Variants in TBC1D4 observed in about 807,000 individuals in gnomAD.
TBC1D4 encodes TBC (Tre-2, BUB2, CDC16) domain-containing protein.
In TBC1D4, 121 loss-of-function variants were observed where a neutral mutation model predicts 142.5. The ratio of observed to expected loss-of-function variants is 0.85; its 90% CI spans 0.73 to 0.99. TBC1D4 has a LOEUF of 0.99. TBC1D4 is among the 50% of genes least tolerant of loss of function. The probability of loss-of-function intolerance (pLI) is 0.00; values close to 1 mark genes in which losing one functional copy is unlikely to be tolerated. For missense variants in TBC1D4, 1,475 were observed against 1,606.6 expected (o/e 0.92, Z 1.40); for synonymous variants, 630 against 628.2 (o/e 1.00, Z -0.04).
At chr13:75,469,835 A>G (rs913843775) in intron 1 of TBC1D4, among the ~76,000 whole-genome samples, 4 of 152,176 alleles carry the variant, frequency 2.6e-5, no homozygotes, top group African/African-American at 9.7e-5. Context: ...CAATGATTGA[A>G]ATTGGTGAGT....
At chr13:75,480,732 TC>T in intron 1 of TBC1D4, among the ~76,000 whole-genome samples, 1 of 152,298 alleles carries the variant, frequency 6.6e-6, no homozygotes, top group East Asian at 1.9e-4. Flanking sequence ...GGAAATTGCC[TC>T]CCAGACCGGA....
chr13:75,467,333 ATG>A (rs1888209180), intron 1 of TBC1D4, among the ~76,000 whole-genome samples: 1 of 152,238 alleles, frequency 6.6e-6, no homozygotes, highest in South Asian at 2.1e-4. Context: ...AGCAATATCT[ATG>A]TTTTTGGGTC....
In TBC1D4 at chr13:75,362,207, A is replaced by T; in HGVS notation, c.899T>A (p.Ile300Asn). 1 of 1,613,744 alleles carries T rather than the reference A, an allele frequency of 6.2e-7. No individual in the cohort carries two copies. Among genetic ancestry groups the T allele is most frequent in the African/African-American group, 1.3e-5 (1 of 74,968 alleles). The change falls in exon 2 of 21, where the codon ATT becomes AAT. Residue 300 changes from isoleucine to asparagine, a missense_variant. Around this residue, in one of 2 missense-constraint regions of TBC1D4, gnomAD observed 1,227 missense variants for 1,267.7 expected, o/e 0.97. Coordinates refer to ENST00000377636, the MANE Select transcript of TBC1D4 (RefSeq NM_014832.5). This position sits in a 1 kb window ranked among gnomAD's most constrained non-coding sequence, Gnocchi z 4.2. Reference sequence around the variant, plus strand: ...CTCATCAAAGCCAGAATCTTCCAAAATCCGCTCAGGGAAGCAGACCCGAGA... The same window carrying T: ...CTCATCAAAGCCAGAATCTTCCAAATTCCGCTCAGGGAAGCAGACCCGAGA... ...TSSRVCFPER[I>N]LEDSGFDEQQ... is the part of the protein sequence containing the mutation.
intron 1 of TBC1D4, among the ~76,000 whole-genome samples, chr13:75,442,957 AG>A (rs145304939): frequency 0.017 from 2,660 of 152,308 alleles, 79 homozygotes; most frequent in African/African-American, 0.06. Flanking sequence ...ACCTGAAGAA[AG>A]GCACCAGAGG....
chr13:75,423,785 C>T (rs1886261860), intron 1 of TBC1D4, among the ~76,000 whole-genome samples: 1 of 152,058 alleles, frequency 6.6e-6, no homozygotes, highest in Non-Finnish European at 1.5e-5. Flanking sequence ...AGGTTTTATT[C>T]TCTCTTAATA....
At chr13:75,403,759 AG>A (rs1171768457) in intron 1 of TBC1D4, among the ~76,000 whole-genome samples, 1 of 152,222 alleles carries the variant, frequency 6.6e-6, no homozygotes, top group Non-Finnish European at 1.5e-5. Context: ...TACTATTAAA[AG>A]TTTTGTGTTT....
chr13:75,300,068 A>G, intron 16 of TBC1D4, among the ~76,000 whole-genome samples: 1 of 152,054 alleles, frequency 6.6e-6, no homozygotes. Flanking sequence ...CACTGGAGGG[A>G]CTTTTTGGGT....
intron 1 of TBC1D4, among the ~76,000 whole-genome samples, chr13:75,477,761 C>T (rs1169398043): frequency 3.9e-5 from 6 of 152,190 alleles, no homozygotes; most frequent in African/African-American, 1.4e-4. Context: ...ATCAGATATT[C>T]TTGTTTCCCC....
intron 4 of TBC1D4, 117 bp downstream of exon 4, chr13:75,356,030 A>T: frequency 1.3e-6 from 1 of 776,778 alleles, no homozygotes; most frequent in East Asian, 2.7e-5. Flanking sequence ...ATATTTCTAG[A>T]CGCCTTCTTC....
intron 1 of TBC1D4, 70 bp downstream of exon 1, chr13:75,481,200 G>GCCAC: frequency 1.6e-6 from 1 of 633,012 alleles, no homozygotes; most frequent in Non-Finnish European, 2.6e-6. Context: ...TGGGGTCCCC[G>GCCAC]CCCCTCCCGC....
intron 14 of TBC1D4, among the ~76,000 whole-genome samples, chr13:75,308,281 T>C (rs766006950): frequency 1.3e-5 from 2 of 152,238 alleles, no homozygotes. Flanking sequence ...TCATATAGTA[T>C]AACTGATCTC....
At position 75,341,444 on chromosome 13, in the gene TBC1D4, A is replaced by T. The variant is rs1016526972; in HGVS notation, c.1500+52T>A. The stretch of plus-strand genomic sequence containing the variant: ...GAAAACAGGAACGCATAAAAACAGG[A>T]TCCAATTCTCATTCCTTATGTCTTA... On this transcript the variant is annotated intron_variant, in intron 6 of 20. Coordinates refer to ENST00000377636, the MANE Select transcript of TBC1D4 (RefSeq NM_014832.5). 3 of 1,550,520 alleles carry T rather than the reference A, an allele frequency of 1.9e-6. No homozygotes were observed. The African/African-American group carries it at 4.1e-5, about 21-fold the overall frequency.
chr13:75,327,262 C>T (rs1879342561), intron 9 of TBC1D4, among the ~76,000 whole-genome samples: 1 of 152,008 alleles, frequency 6.6e-6, no homozygotes, highest in Non-Finnish European at 1.5e-5. Context: ...TAATATATTT[C>T]CATTTTAAAA....
chr13:75,472,153 G>A (rs1018228072), intron 1 of TBC1D4, among the ~76,000 whole-genome samples: 6 of 145,102 alleles, frequency 4.1e-5, no homozygotes, highest in East Asian at 2.1e-4. Context: ...GGGCCATTGC[G>A]GTGGCTCACG....
chr13:75,300,700 A>T (rs9600457), intron 16 of TBC1D4, among the ~76,000 whole-genome samples: 2 of 151,982 alleles, frequency 1.3e-5, no homozygotes, highest in African/African-American at 4.8e-5. Context: ...TACACTTTCT[A>T]TCCATTAACT....
At chr13:75,422,703 A>G (rs1337356026) in intron 1 of TBC1D4, among the ~76,000 whole-genome samples, 1 of 152,204 alleles carries the variant, frequency 6.6e-6, no homozygotes, top group African/African-American at 2.4e-5. Context: ...TATATTAAAG[A>G]TAATATCAAT....
At chr13:75,304,471 C>T (rs1159987980) in intron 15 of TBC1D4, among the ~76,000 whole-genome samples, 1 of 151,940 alleles carries the variant, frequency 6.6e-6, no homozygotes, top group Non-Finnish European at 1.5e-5. Flanking sequence ...GCTAGGTGTG[C>T]AGTGGTGGGG....
chr13:75,386,422 A>T (rs1884175167), intron 1 of TBC1D4, among the ~76,000 whole-genome samples: 1 of 145,816 alleles, frequency 6.9e-6, no homozygotes, highest in Non-Finnish European at 1.5e-5. Flanking sequence ...GGAGTCTCAC[A>T]CTGTCACCCA....
intron 13 of TBC1D4, among the ~76,000 whole-genome samples, chr13:75,311,872 GT>G (rs1247714316): frequency 3.3e-5 from 5 of 152,142 alleles, no homozygotes; most frequent in African/African-American, 7.2e-5. Context: ...AAATGAATGA[GT>G]TTTCTCCATA....
Sources: gnomAD v4.1 joint callset for allele counts (sites outside exome capture counted in the v4.1 genomes callset) on GRCh38, gnomAD v4.1.1 for gene constraint, gnomAD v4.1.1 regional missense constraint, Gnocchi (gnomAD v3.1) non-coding constraint, MANE v1.5 for transcripts, NCBI Gene and HGNC (gene_info 2026-07-23, HGNC 2026-07-21) for gene names.